Variants in SLC26A4 observed in about 807,000 individuals in gnomAD.
The protein encoded by SLC26A4 is solute carrier family 26 member 4.
In SLC26A4, 93 loss-of-function variants were observed where a neutral mutation model predicts 90.4. The ratio of observed to expected loss-of-function variants is 1.03; its 90% confidence interval spans 0.87 to 1.22. The LOEUF is 1.22. SLC26A4 is among the 50% of genes most tolerant of loss of function. The probability of loss-of-function intolerance (pLI) is 0.00; values close to 1 mark genes in which losing one functional copy is unlikely to be tolerated. For synonymous variants in SLC26A4, 393 were observed against 354.6 expected, an observed-to-expected ratio of 1.11 and a Z score of -1.22; for missense variants, 1,127 against 946.2, an observed-to-expected ratio of 1.19 and a Z score of -2.51.
At chr7:107,693,763 G>C in intron 10 of SLC26A4, 44 of 980,614 alleles carry the variant, frequency 4.5e-5, no homozygotes, top group Non-Finnish European at 5.2e-5. Flanking sequence ...ACTGTTTCAG[G>C]CTGCCTTGGG....
chr7:107,667,370 G>A (rs1562820510), intron 3 of SLC26A4, among the ~76,000 whole-genome samples: 4 of 149,076 alleles, frequency 2.7e-5, no homozygotes, highest in Middle Eastern at 6.8e-3. Flanking sequence ...CAAGGAGAGG[G>A]GCAGCCAAGA....
intron 4 of SLC26A4, 138 bp from the exon 5 acceptor site, chr7:107,674,026 C>T: frequency 5.7e-6 from 5 of 872,696 alleles, no homozygotes; most frequent in Middle Eastern, 3.4e-4. Context: ...CCACTGGGTC[C>T]GGCTCAGCTT....
intron 20 of SLC26A4, among the ~76,000 whole-genome samples, chr7:107,714,403 G>A (rs1792283459): frequency 6.6e-6 from 1 of 152,202 alleles, no homozygotes; most frequent in African/African-American, 2.4e-5. Flanking sequence ...GACAGGCAGA[G>A]ATTTCTGTGG....
intron 3 of SLC26A4, among the ~76,000 whole-genome samples, chr7:107,664,255 A>G (rs1003812447): frequency 4.8e-4 from 72 of 151,142 alleles, no homozygotes; most frequent in African/African-American, 1.6e-3. Flanking sequence ...TTAGAGATAC[A>G]GTCTTGCTCT....
intron 20 of SLC26A4, among the ~76,000 whole-genome samples, chr7:107,714,590 A>C (rs1457552776): frequency 6.6e-6 from 1 of 152,178 alleles, no homozygotes; most frequent in Admixed American, 6.5e-5. Flanking sequence ...TTAAAACTTA[A>C]GACTGCTATA....
intron 10 of SLC26A4, 56 bp downstream of exon 10, chr7:107,690,293 C>A: frequency 9.6e-7 from 1 of 1,044,562 alleles, no homozygotes; most frequent in Non-Finnish European, 1.5e-6. Flanking sequence ...GGAATGGCAA[C>A]AGAGGAAGGC....
chr7:107,700,949 A>T, intron 15 of SLC26A4, 152 bp from the exon 16 acceptor site: 1 of 626,728 alleles, frequency 1.6e-6, no homozygotes, highest in Non-Finnish European at 2.9e-6. Context: ...GGGAGTAGAC[A>T]GAGATCTACT....
At chr7:107,671,468 T>C (rs925565373) in intron 3 of SLC26A4, among the ~76,000 whole-genome samples, 1 of 152,240 alleles carries the variant, frequency 6.6e-6, no homozygotes, top group African/African-American at 2.4e-5. Context: ...ACCAAGTTTT[T>C]AATCAACATT....
In SLC26A4 at chr7:107,661,986, G is replaced by A. The variant is rs55859862; in HGVS notation, c.164+181G>A. On this transcript the variant is annotated intron_variant, in intron 2 of 20. Coordinates refer to ENST00000644269, the MANE Select transcript of SLC26A4 (RefSeq NM_000441.2). The surrounding 1 kb of genome is among the most constrained non-coding windows in gnomAD (Gnocchi z 5.1). Reference sequence around the variant, plus strand: ...CCTCCACGCCGCCCTTCTGGTGGGAGGGTGGCTCCATCAGTCTCGGGCCCG... The same window carrying A: ...CCTCCACGCCGCCCTTCTGGTGGGAAGGTGGCTCCATCAGTCTCGGGCCCG... 1.7e-4 allele frequency: 113 copies of A among 669,920 alleles called. No individual in the cohort carries two copies. The highest frequency in any genetic ancestry group is 4.1e-4 in the Admixed American group (14 of 33,936). The allele number at this position is 669,920 out of a possible 1,614,324, so 41.5% of individuals were successfully genotyped here.
intron 17 of SLC26A4, among the ~76,000 whole-genome samples, chr7:107,703,786 C>T (rs1237597233): frequency 1.3e-5 from 2 of 152,142 alleles, no homozygotes; most frequent in Admixed American, 6.5e-5. Context: ...GGTCTTGTGT[C>T]TTGACTTTTT....
chr7:107,696,934 T>C (rs1469210958), intron 13 of SLC26A4, among the ~76,000 whole-genome samples: 1 of 152,180 alleles, frequency 6.6e-6, no homozygotes, highest in Admixed American at 6.5e-5. Context: ...AAGATAGATG[T>C]CTTCAGCTTA....
At chr7:107,691,329 C>T (rs1341061524) in intron 10 of SLC26A4, among the ~76,000 whole-genome samples, 1 of 151,790 alleles carries the variant, frequency 6.6e-6, no homozygotes, top group Non-Finnish European at 1.5e-5. Flanking sequence ...TGGTGAAACC[C>T]CTTCTCTACT....
Position 107,690,199 on chromosome 7 carries a change from C to T in SLC26A4, c.1225C>T (p.Arg409Cys), listed in dbSNP as rs147952620. 15 of 1,612,506 alleles carry T rather than the reference C, an allele frequency of 9.3e-6. No individual in the cohort carries two copies. The highest frequency in any genetic ancestry group is 4.0e-5 in the African/African-American group (3 of 74,984). The change falls in exon 10 of 21, where the codon CGC (arginine) becomes TGC (cysteine). Residue 409 changes from arginine to cysteine, a missense_variant. Transcript: ENST00000644269. The part of the protein sequence containing the change: ...SCFVATTALS[R>C]TAVQESTGGK... ...TTTTGTGGCCACCACTGCTCTTTCC[C>T]GCACGGCCGTCCAGGAGAGCACTGG...
At chr7:107,667,277 A>G (rs903422000) in intron 3 of SLC26A4, among the ~76,000 whole-genome samples, 2 of 151,958 alleles carry the variant, frequency 1.3e-5, no homozygotes, top group Non-Finnish European at 2.9e-5. Flanking sequence ...GATATTTACA[A>G]GAGTGGGAAT....
At chr7:107,703,754 T>TTC (rs764239150) in intron 17 of SLC26A4, among the ~76,000 whole-genome samples, 1 of 152,240 alleles carries the variant, frequency 6.6e-6, no homozygotes, top group Non-Finnish European at 1.5e-5. Flanking sequence ...AATTCTCAAA[T>TTC]TCTCTTTTAT....
chr7:107,664,065 G>A (rs1051815140), intron 3 of SLC26A4, among the ~76,000 whole-genome samples: 1 of 151,880 alleles, frequency 6.6e-6, no homozygotes, highest in Non-Finnish European at 1.5e-5. Context: ...AAAAAGAAAT[G>A]TGTTACATCC....
rs1790887655 is a variant in SLC26A4, at chr7:107,672,181, TCTCTA to T, written c.353_357del (p.Tyr118CysfsTer62). ...TAGCTGCAGTTCCTGTCGGATATGGTCTCTACTCTGCTTTTTTCCCTATCCTGACA... is the reference window on the plus strand; with the variant it reads ...TAGCTGCAGTTCCTGTCGGATATGGTCTCTGCTTTTTTCCCTATCCTGACA... On this transcript the variant is annotated frameshift_variant, in exon 4 of 21. Coordinates refer to ENST00000644269, the MANE Select transcript of SLC26A4 (RefSeq NM_000441.2). LOFTEE classifies it high-confidence loss of function. The T allele has an allele frequency of 6.2e-7, 1 of 1,613,144 alleles. No individual in the cohort carries two copies. Among genetic ancestry groups the T allele is most frequent in the African/African-American group, 1.3e-5 (1 of 74,886 alleles).
In SLC26A4 at chr7:107,696,029, A is replaced by G; in HGVS notation, c.1534A>G (p.Arg512Gly). Reference sequence around the variant, plus strand: ...ATTTGGACTGTTGACTGTGGTCCTGAGAGTTCAGTTGTGAGTAACGTAAAA... The same window carrying G: ...ATTTGGACTGTTGACTGTGGTCCTGGGAGTTCAGTTGTGAGTAACGTAAAA... ...LIFGLLTVVL[R>G]VQFPSWNGLG... The change falls in exon 13 of 21, where the codon AGA (arginine) becomes GGA (glycine). Residue 512 changes from arginine (R) to glycine (G), a missense_variant. Coordinates refer to ENST00000644269, the MANE Select transcript of SLC26A4 (RefSeq NM_000441.2). The G allele has an allele frequency of 6.3e-7, 1 of 1,590,962 alleles. No homozygotes were observed. Among genetic ancestry groups the G allele is most frequent in the South Asian group, 1.1e-5 (1 of 90,630 alleles).
chr7:107,677,251 A>G lies in SLC26A4; in HGVS notation c.765+2142A>G, dbSNP rs540994467. ...AAGATCATGGACTTTGAACTTCAAC[A>G]GACTTGAGTTGGCATCTTGGTTCTC... On this transcript the variant is annotated intron_variant, in intron 6 of 20. Transcript: ENST00000644269. 2.0e-5 allele frequency among the ~76,000 whole-genome samples: 3 copies of G among 152,272 alleles called. No homozygotes were observed. The East Asian group carries it at 5.8e-4, about 29-fold the overall frequency.
Sources: allele counts gnomAD v4.1 joint callset (sites outside exome capture counted in the v4.1 genomes callset), GRCh38; gene constraint gnomAD v4.1.1; non-coding constraint Gnocchi (gnomAD v3.1); transcripts MANE v1.5; gene names NCBI Gene and HGNC (gene_info 2026-07-23, HGNC 2026-07-21).